Variants in FMNL2 observed in about 807,000 individuals in gnomAD.
FMNL2 encodes formin-like protein 2.
A neutral mutation model predicts 130.2 loss-of-function variants in FMNL2; 51 were observed. The ratio of observed to expected loss-of-function variants is 0.39; its 90% CI spans 0.31 to 0.49. FMNL2 has a LOEUF of 0.49. Among genes scored for constraint, FMNL2 ranks in the 20% least tolerant of loss-of-function variants. FMNL2 has a pLI of 0.85. For synonymous variants in FMNL2, 465 were observed against 467.1 expected (o/e 1.00, Z 0.06); for missense variants, 977 against 1,316.2 (o/e 0.74, Z 3.99).
intron 1 of FMNL2, among the ~76,000 whole-genome samples, chr2:152,467,224 C>A (rs1011271974): frequency 6.6e-6 from 1 of 152,132 alleles, no homozygotes; most frequent in African/African-American, 2.4e-5. Flanking sequence ...TACCATCTAC[C>A]CCAGCACCTT....
chr2:152,613,844 T>C (rs1454994550), intron 11 of FMNL2, among the ~76,000 whole-genome samples: 1 of 152,220 alleles, frequency 6.6e-6, no homozygotes, highest in Non-Finnish European at 1.5e-5. Context: ...AGTCATGACT[T>C]ATGTTACTTG....
chr2:152,600,791 C>A lies in FMNL2; in HGVS notation c.877-6548C>A, dbSNP rs116104913. Among the ~76,000 whole-genome samples the A allele has an allele frequency of 3.1e-3, 473 of 151,208 alleles. 2 individuals carry two copies. The highest frequency in any genetic ancestry group is 0.011 in the African/African-American group (453 of 41,242). ...AATTCTCCTTTACATGAAAATGAAT[C>A]TTGCTTGTCCTGGGAGTGGCCCACG... On this transcript the variant is annotated intron_variant, in intron 9 of 25. Coordinates refer to ENST00000288670, the MANE Select transcript of FMNL2 (RefSeq NM_052905.4).
intron 1 of FMNL2, among the ~76,000 whole-genome samples, chr2:152,381,790 T>C (rs1044857855): frequency 2.0e-5 from 3 of 149,344 alleles, no homozygotes; most frequent in African/African-American, 4.9e-5. Flanking sequence ...TTAGTTAGCA[T>C]AACAAACAGC....
chr2:152,522,499 A>T (rs932588011), intron 2 of FMNL2, among the ~76,000 whole-genome samples: 2 of 152,116 alleles, frequency 1.3e-5, no homozygotes, highest in Non-Finnish European at 2.9e-5. Flanking sequence ...TCCCCACTCA[A>T]ATCTCATCTT....
At chr2:152,446,054 A>G (rs1267074953) in intron 1 of FMNL2, among the ~76,000 whole-genome samples, 1 of 152,138 alleles carries the variant, frequency 6.6e-6, no homozygotes, top group Admixed American at 6.6e-5. Flanking sequence ...AGTTTTACTA[A>G]TTTGTTCTCT....
rs769802613 is a variant in FMNL2 at position 152,615,006 on chromosome 2, T to C, written c.1212+6T>C. The C allele has an allele frequency of 6.2e-6, 10 of 1,606,290 alleles. No individual in the cohort carries two copies. Among genetic ancestry groups the C allele is most frequent in the Admixed American group, 5.3e-5 (3 of 57,140 alleles). ...TGGAAGAAAACATTTCTCATGTAAC[T>C]ATATCTCAGAAAAGGAAAAATTGCT... On this transcript the variant is annotated splice_donor_region_variant and intron_variant, in intron 12 of 25. Transcript: ENST00000288670.
At chr2:152,382,215 A>G (rs1282868728) in intron 1 of FMNL2, among the ~76,000 whole-genome samples, 1 of 152,208 alleles carries the variant, frequency 6.6e-6, no homozygotes, top group Non-Finnish European at 1.5e-5. Flanking sequence ...AATGGTACCC[A>G]AAGAACCAAC....
chr2:152,479,343 C>T (rs940629834), intron 1 of FMNL2, among the ~76,000 whole-genome samples: 6 of 152,118 alleles, frequency 3.9e-5, no homozygotes, highest in African/African-American at 1.4e-4. Flanking sequence ...TGAGGTATCA[C>T]CATGTTGCCT....
chr2:152,373,384 G>A (rs929103987), intron 1 of FMNL2, among the ~76,000 whole-genome samples: 2 of 152,002 alleles, frequency 1.3e-5, no homozygotes, highest in African/African-American at 2.4e-5. Context: ...TAGATAGAAG[G>A]GTATATTTGG....
intron 1 of FMNL2, among the ~76,000 whole-genome samples, chr2:152,382,933 T>A (rs907440925): frequency 6.6e-6 from 1 of 152,182 alleles, no homozygotes; most frequent in Admixed American, 6.5e-5. Context: ...TATCATCCAG[T>A]GACATTGTAG....
intron 1 of FMNL2, among the ~76,000 whole-genome samples, chr2:152,494,144 C>T (rs966193806): frequency 2.0e-5 from 3 of 152,174 alleles, no homozygotes; most frequent in African/African-American, 4.8e-5. Flanking sequence ...CTCTGGAAGA[C>T]GGTATGATAA....
intron 1 of FMNL2, among the ~76,000 whole-genome samples, chr2:152,363,543 CAG>C (rs981103173): frequency 1.3e-5 from 2 of 151,300 alleles, no homozygotes; most frequent in African/African-American, 4.9e-5. Context: ...GTGGCAGGCT[CAG>C]TGAGTTTTTT....
At chr2:152,358,441 G>A (rs945649826) in intron 1 of FMNL2, among the ~76,000 whole-genome samples, 8 of 152,002 alleles carry the variant, frequency 5.3e-5, no homozygotes, top group Non-Finnish European at 8.8e-5. Flanking sequence ...CCTGAGGTCA[G>A]GAGTTTGAGA....
chr2:152,353,914 C>T (rs1393155138), intron 1 of FMNL2, among the ~76,000 whole-genome samples: 7 of 152,148 alleles, frequency 4.6e-5, no homozygotes, highest in Non-Finnish European at 8.8e-5. Context: ...GCCCCCAGAA[C>T]GCCCAGAATT....
intron 4 of FMNL2, among the ~76,000 whole-genome samples, chr2:152,555,707 A>C (rs760719451): frequency 1.2e-4 from 19 of 152,212 alleles, no homozygotes; most frequent in Non-Finnish European, 2.6e-4. Context: ...CTAAATTCAG[A>C]TGTACAGCAT....
rs146487244 is a variant in FMNL2 at position 152,403,934 on chromosome 2, G to A, written c.117+68214G>A. Among the ~76,000 whole-genome samples, 121 of 152,294 alleles carry A rather than the reference G, an allele frequency of 7.9e-4. 1 individual carries two copies. Among genetic ancestry groups the A allele is most frequent in the African/African-American group, 2.8e-3 (118 of 41,562 alleles). On this transcript the variant is annotated intron_variant, in intron 1 of 25. Coordinates refer to ENST00000288670, the MANE Select transcript of FMNL2 (RefSeq NM_052905.4). ...AATGCAAAAATTAGTTGGACATGGT[G>A]GTGAGCCCCTGTAGTCCCAGCTTCT...
chr2:152,446,876 G>A (rs1688369324), intron 1 of FMNL2, among the ~76,000 whole-genome samples: 1 of 152,106 alleles, frequency 6.6e-6, no homozygotes, highest in Non-Finnish European at 1.5e-5. Flanking sequence ...ATGTGTCAAA[G>A]TTTTATTTGA....
chr2:152,634,159 G>A (rs924112184), intron 21 of FMNL2, among the ~76,000 whole-genome samples: 2 of 152,174 alleles, frequency 1.3e-5, no homozygotes, highest in Admixed American at 1.3e-4. Flanking sequence ...TATTATGGCC[G>A]GGTGCGGTAG....
chr2:152,564,493 GGGA>G (rs1190729932), intron 6 of FMNL2, among the ~76,000 whole-genome samples: 1 of 152,180 alleles, frequency 6.6e-6, no homozygotes, highest in Admixed American at 6.5e-5. Flanking sequence ...AGACAAAGGT[GGGA>G]GGATCACTTG....
Sources: gnomAD v4.1 joint callset for allele counts (sites outside exome capture counted in the v4.1 genomes callset) on GRCh38, gnomAD v4.1.1 for gene constraint, MANE v1.5 for transcripts, NCBI Gene and HGNC (gene_info 2026-07-23, HGNC 2026-07-21) for gene names.